The following PTPRK variants were observed in gnomAD, a reference collection of about 807,000 sequenced individuals.
PTPRK encodes the protein receptor-type tyrosine-protein phosphatase kappa.
In PTPRK, 75 loss-of-function variants were observed where a neutral mutation model predicts 178.0. That is an observed-to-expected ratio of 0.42 (90% confidence interval 0.35 to 0.51). The LOEUF (loss-of-function observed/expected upper bound fraction) is 0.51. Ranked by LOEUF, PTPRK falls within the 20% of genes least tolerant of loss-of-function variation. The pLI, the probability that PTPRK is intolerant of heterozygous loss-of-function variation, is 0.02. For synonymous variants in PTPRK, 637 were observed against 620.6 expected (o/e 1.03, Z -0.39); for missense variants, 1,441 against 1,797.8 (o/e 0.80, Z 3.59).
intron 7 of PTPRK, among the ~76,000 whole-genome samples, chr6:128,091,876 G>C (rs1350933091): frequency 1.3e-5 from 2 of 152,056 alleles, no homozygotes; most frequent in Non-Finnish European, 2.9e-5. Context: ...TATTTTGAAA[G>C]CATACCTAGA....
At chr6:128,199,348 C>A (rs1805488054) in intron 6 of PTPRK, among the ~76,000 whole-genome samples, 1 of 152,078 alleles carries the variant, frequency 6.6e-6, no homozygotes, top group African/African-American at 2.4e-5. Context: ...ATGAGAGAAA[C>A]CAGATAAGAG....
intron 7 of PTPRK, among the ~76,000 whole-genome samples, chr6:128,137,019 C>A (rs537565169): frequency 6.6e-6 from 1 of 152,238 alleles, no homozygotes; most frequent in East Asian, 1.9e-4. Context: ...AAACCACTAC[C>A]CTAGCCTCTT....
chr6:127,983,337 T>C lies in PTPRK; in HGVS notation c.3292A>G (p.Ile1098Val). The change falls in exon 23 of 30, where the codon ATC becomes GTC. Residue 1098 changes from isoleucine to valine, a missense_variant. By Grantham distance (29) the Ile-to-Val change is conservative. Coordinates refer to ENST00000368226, the MANE Select transcript of PTPRK (RefSeq NM_002844.4). ...TCTCTTTCAGCCATGTCTAGCATGA[T>C]GTCAATCACAATGTAGCAGCCAGTT... is the stretch of plus-strand genomic sequence containing the variant. ...GRTGCYIVID[I>V]MLDMAEREGV... The C allele has an allele frequency of 6.2e-7, 1 of 1,613,822 alleles. No individual in the cohort carries two copies. The highest frequency in any genetic ancestry group is 8.5e-7 in the Non-Finnish European group (1 of 1,179,774).
chr6:128,227,724 G>C (rs1449533420), intron 5 of PTPRK, among the ~76,000 whole-genome samples: 1 of 152,000 alleles, frequency 6.6e-6, no homozygotes, highest in African/African-American at 2.4e-5. Context: ...CCATAAAACA[G>C]ATCAAAACCG....
In PTPRK at chr6:128,095,735, A is replaced by G. The variant is rs188117750; in HGVS notation, c.1163-5743T>C. 1.6e-3 allele frequency among the ~76,000 whole-genome samples: 243 copies of G among 152,234 alleles called. 1 individual carries two copies. Among genetic ancestry groups the G allele is most frequent in the African/African-American group, 5.4e-3 (226 of 41,540 alleles). The stretch of plus-strand genomic sequence containing the variant: ...CAGATAGAACATTAAGAAGCTGGTA[A>G]AAGGACTGGAACCAGAAGTAAAATC... On this transcript the variant is annotated intron_variant, in intron 7 of 29. Transcript: ENST00000368226.
chr6:128,380,557 T>TACAC (rs1184350538), intron 2 of PTPRK, among the ~76,000 whole-genome samples: 3 of 150,194 alleles, frequency 2.0e-5, no homozygotes, highest in Non-Finnish European at 3.0e-5. Flanking sequence ...CACACACGTG[T>TACAC]GTGTGTGTGT....
At chr6:128,424,726 T>C (rs866346690) in intron 1 of PTPRK, among the ~76,000 whole-genome samples, 8 of 152,320 alleles carry the variant, frequency 5.3e-5, no homozygotes, top group Middle Eastern at 3.4e-3. Context: ...GGCTACTGTA[T>C]TGCTTTACCT....
chr6:128,401,566 G>A (rs994256670), intron 1 of PTPRK, among the ~76,000 whole-genome samples: 3 of 152,064 alleles, frequency 2.0e-5, no homozygotes, highest in African/African-American at 4.8e-5. Context: ...ATGAAAAGTC[G>A]TAGATCACTG....
At chr6:128,499,777 A>G (rs1460830774) in intron 1 of PTPRK, among the ~76,000 whole-genome samples, 1 of 152,228 alleles carries the variant, frequency 6.6e-6, no homozygotes, top group African/African-American at 2.4e-5. Flanking sequence ...TTCATGAAAC[A>G]ATACTTCTCT....
chr6:128,339,496 C>G (rs1562313359), intron 2 of PTPRK, among the ~76,000 whole-genome samples: 1 of 152,022 alleles, frequency 6.6e-6, no homozygotes, highest in Non-Finnish European at 1.5e-5. Flanking sequence ...ATATATTTAT[C>G]CTGATCAGCA....
chr6:128,307,416 T>C (rs1391424103), intron 3 of PTPRK, among the ~76,000 whole-genome samples: 2 of 150,044 alleles, frequency 1.3e-5, no homozygotes, highest in Non-Finnish European at 3.0e-5. Flanking sequence ...ACCTCAGTGC[T>C]GGGAAGAGCT....
chr6:128,024,072 C>A (rs1773927360), intron 13 of PTPRK, among the ~76,000 whole-genome samples: 1 of 152,294 alleles, frequency 6.6e-6, no homozygotes, highest in African/African-American at 2.4e-5. Flanking sequence ...CCCAAACAGG[C>A]ATTTAACATA....
At chr6:128,102,003 A>G (rs1031650467) in intron 7 of PTPRK, among the ~76,000 whole-genome samples, 1 of 152,212 alleles carries the variant, frequency 6.6e-6, no homozygotes, top group Admixed American at 6.5e-5. Context: ...TTAATGCATC[A>G]TGTCTTCCAT....
intron 2 of PTPRK, among the ~76,000 whole-genome samples, chr6:128,335,253 A>G (rs1264225318): frequency 6.6e-6 from 1 of 152,164 alleles, no homozygotes; most frequent in Non-Finnish European, 1.5e-5. Context: ...AGATATAATA[A>G]AAGCACTGTT....
intron 3 of PTPRK, among the ~76,000 whole-genome samples, chr6:128,301,745 CTGTT>C (rs1215197700): frequency 1.4e-4 from 21 of 152,180 alleles, no homozygotes; most frequent in Admixed American, 1.0e-3. Context: ...AATATACACA[CTGTT>C]TGAGTTTACT....
intron 13 of PTPRK, among the ~76,000 whole-genome samples, chr6:128,041,473 G>A (rs1777152113): frequency 6.6e-6 from 1 of 152,018 alleles, no homozygotes; most frequent in Non-Finnish European, 1.5e-5. Flanking sequence ...CTCTGCAAAT[G>A]TGCTTCAATG....
chr6:128,087,533 T>C (rs1562559888), intron 8 of PTPRK, among the ~76,000 whole-genome samples: 1 of 152,280 alleles, frequency 6.6e-6, no homozygotes, highest in East Asian at 1.9e-4. Flanking sequence ...CATTCTTTCT[T>C]GCATAAATAT....
At chr6:128,016,577 G>C (rs1034369655) in intron 13 of PTPRK, among the ~76,000 whole-genome samples, 1 of 151,818 alleles carries the variant, frequency 6.6e-6, no homozygotes, top group East Asian at 1.9e-4. Context: ...GGGGTAATGT[G>C]CCCTGAAAGC....
At chr6:128,064,890 T>A in intron 12 of PTPRK, 96 bp from the exon 13 acceptor site, 1 of 1,300,620 alleles carries the variant, frequency 7.7e-7, no homozygotes, top group Non-Finnish European at 9.9e-7. Context: ...TCTGGGGTCA[T>A]AAAAAGGGAT....
Sources: gnomAD v4.1 joint callset for allele counts (sites outside exome capture counted in the v4.1 genomes callset) on GRCh38, gnomAD v4.1.1 for gene constraint, MANE v1.5 for transcripts, NCBI Gene and HGNC (gene_info 2026-07-23, HGNC 2026-07-21) for gene names.